The following MIB1 variants were observed in gnomAD, a reference collection of about 807,000 sequenced individuals.
MIB1 encodes the protein E3 ubiquitin-protein ligase MIB1.
A neutral mutation model predicts 124.5 loss-of-function variants in MIB1; 278 were observed. The observed-to-expected ratio is 2.23, with a 90% confidence interval of 2.02 to 2.47. The LOEUF is 2.47. MIB1 is among the 30% of genes most tolerant of loss of function. The pLI is 0.00. For synonymous variants in MIB1, 446 were observed against 429.4 expected (o/e 1.04, Z -0.48); for missense variants, 957 against 1,254.4 (o/e 0.76, Z 3.58).
chr18:21,765,685 T>C, intron 1 of MIB1, 87 bp from the exon 2 acceptor site: 1 of 1,281,614 alleles, frequency 7.8e-7, no homozygotes, highest in East Asian at 2.4e-5. Context: ...TTGTAAAATG[T>C]TCTGTTCTTA....
intron 17 of MIB1, among the ~76,000 whole-genome samples, chr18:21,850,998 C>G (rs766016974): frequency 2.6e-5 from 4 of 152,030 alleles, no homozygotes; most frequent in Admixed American, 2.0e-4. Context: ...TAATTACCTG[C>G]TAAAAATGTG....
Position 21,868,609 on chromosome 18 carries a change from C to CT in MIB1, c.*3944dup, listed in dbSNP as rs1322768820. On this transcript the variant is annotated 3_prime_UTR_variant, in exon 21 of 21. Coordinates refer to ENST00000261537, the MANE Select transcript of MIB1 (RefSeq NM_020774.4). Reference sequence around the variant, plus strand: ...ATGTGTGCCTTGTTGGAAGTGTCAACTGTCTTTATGTCTGCTTGTAAAAGT... The same window carrying CT: ...ATGTGTGCCTTGTTGGAAGTGTCAACTTGTCTTTATGTCTGCTTGTAAAAGT... 6.6e-6 allele frequency: 1 copy of CT among 152,368 alleles called. No homozygotes were observed. Among genetic ancestry groups the CT allele is most frequent in the African/African-American group, 2.4e-5 (1 of 41,420 alleles). The allele number at this position is 152,368 out of a possible 1,614,324, so 9.4% of individuals were successfully genotyped here.
At chr18:21,786,263 A>AT (rs1276006866) in intron 6 of MIB1, among the ~76,000 whole-genome samples, 1 of 151,812 alleles carries the variant, frequency 6.6e-6, no homozygotes, top group Non-Finnish European at 1.5e-5. Context: ...CACCTGGCTA[A>AT]TTTTTTTGTA....
rs1163703079 is a variant in MIB1 at position 21,774,921 on chromosome 18, T to TTTTTTTTA, written c.636+1196_636+1197insTTTTATTT. 1.9e-3 allele frequency among the ~76,000 whole-genome samples: 264 copies of TTTTTTTTA among 138,292 alleles called. 1 individual carries two copies. The highest frequency in any genetic ancestry group is 6.4e-3 in the African/African-American group (228 of 35,674). The allele number at this position is 138,292 out of a possible 152,430, so 90.7% of individuals were successfully genotyped here. A position where few individuals can be genotyped will look rare whatever the true frequency, so the allele number is the denominator to read the frequency against. ...CCAGTGTCCCCTTAATTTATTTCCA[T>TTTTTTTTA]TTTATTTATTTATTTATTTATTTAT... is the stretch of plus-strand genomic sequence containing the variant. On this transcript the variant is annotated intron_variant, in intron 4 of 20. Coordinates refer to ENST00000261537, the MANE Select transcript of MIB1 (RefSeq NM_020774.4).
At chr18:21,859,731 A>G (rs2042257754) in intron 20 of MIB1, among the ~76,000 whole-genome samples, 1 of 151,840 alleles carries the variant, frequency 6.6e-6, no homozygotes, top group South Asian at 2.1e-4. Context: ...TCTACTAAAA[A>G]TACAAAAATT....
At chr18:21,738,169 A>G (rs868333121), upstream of MIB1, among the ~76,000 whole-genome samples, 5 of 152,236 alleles carry the variant, frequency 3.3e-5, no homozygotes, top group African/African-American at 7.2e-5. Context: ...GTTATTCTGC[A>G]TAATTGGAAG....
intron 1 of MIB1, among the ~76,000 whole-genome samples, chr18:21,708,636 G>A (rs575791021): frequency 8.5e-5 from 13 of 152,204 alleles, no homozygotes; most frequent in East Asian, 1.9e-4. Flanking sequence ...CAGCCTGGGC[G>A]ACAGAGGGAA....
In MIB1 at chr18:21,867,115, A is replaced by G. The variant is rs1017359949; in HGVS notation, c.*2449A>G. The G allele has an allele frequency of 3.3e-5, 5 of 152,624 alleles. No individual in the cohort carries two copies. The South Asian group carries it at 1.0e-3, about 32-fold the overall frequency. The allele number at this position is 152,624 out of a possible 1,614,324, so 9.5% of individuals were successfully genotyped here. On this transcript the variant is annotated 3_prime_UTR_variant, in exon 21 of 21. Transcript: ENST00000261537. The stretch of plus-strand genomic sequence containing the variant: ...ACATTTATAAAAAAGAAAAAAACTG[A>G]CACGCATTCATTCAAAAAAGTATTT...
intron 4 of MIB1, among the ~76,000 whole-genome samples, chr18:21,774,615 A>G (rs570879288): frequency 3.3e-5 from 5 of 152,292 alleles, no homozygotes; most frequent in South Asian, 4.1e-4. Context: ...TGATCTTGCT[A>G]TTTAATGTAT....
chr18:21,835,202 T>C (rs1469314102), intron 12 of MIB1, among the ~76,000 whole-genome samples: 1 of 151,450 alleles, frequency 6.6e-6, no homozygotes, highest in East Asian at 1.9e-4. Flanking sequence ...ATTTTAGAAT[T>C]TTTTTTTTAT....
At chr18:21,785,913 C>T (rs1037434632) in intron 6 of MIB1, among the ~76,000 whole-genome samples, 1 of 152,010 alleles carries the variant, frequency 6.6e-6, no homozygotes, top group African/African-American at 2.4e-5. Context: ...TTTCTTTTAG[C>T]ATTTTGAATA....
At chr18:21,705,744 G>A (rs533810796) in intron 1 of MIB1, among the ~76,000 whole-genome samples, 1 of 152,332 alleles carries the variant, frequency 6.6e-6, no homozygotes, top group Admixed American at 6.5e-5. Flanking sequence ...ATTTGGCTCC[G>A]ATTTGGTCAT....
Position 21,741,425 on chromosome 18 carries a change from C to T in MIB1, c.-159C>T, listed in dbSNP as rs2040848640. 3.1e-6 allele frequency: 1 copy of T among 320,620 alleles called. No individual in the cohort carries two copies. Among genetic ancestry groups the T allele is most frequent in the African/African-American group, 2.2e-5 (1 of 45,396 alleles). 19.9% of individuals were successfully genotyped at this position (320,620 alleles called of 1,614,324 possible). ...CAGCGGCTTTGGGCTCCGCGGGGACCGCGCCGCCGCCCCCGTGAGTTATTC... is the reference window on the plus strand; with the variant it reads ...CAGCGGCTTTGGGCTCCGCGGGGACTGCGCCGCCGCCCCCGTGAGTTATTC... On this transcript the variant is annotated 5_prime_UTR_variant, in exon 1 of 21. Transcript: ENST00000261537. This position sits in a 1 kb window ranked among gnomAD's most constrained non-coding sequence, Gnocchi z 5.4.
At chr18:21,738,834 A>AAAAAAAAAAAAAAAAAAAAAAAC (rs2040808603), upstream of MIB1, among the ~76,000 whole-genome samples, 1 of 40,882 alleles carries the variant, frequency 2.4e-5, no homozygotes, top group Non-Finnish European at 4.2e-5. Flanking sequence ...AAAAAAAAAA[A>AAAAAAAAAAAAAAAAAAAAAAAC]AAAAAAAAAA....
At chr18:21,763,525 A>G (rs545148408) in intron 1 of MIB1, among the ~76,000 whole-genome samples, 1 of 152,122 alleles carries the variant, frequency 6.6e-6, no homozygotes, top group East Asian at 1.9e-4. Context: ...TTCTAAGGCG[A>G]GTTTCTATCA....
chr18:21,794,459 C>G (rs753191313), intron 7 of MIB1, among the ~76,000 whole-genome samples: 12 of 151,864 alleles, frequency 7.9e-5, no homozygotes, highest in Non-Finnish European at 1.5e-4. Flanking sequence ...CTCTCTCTCT[C>G]TCTCTCTCTC....
Position 21,803,886 on chromosome 18 carries a change from TC to T in MIB1, c.1372-20del. ...TCTGATTATTCATTCATTCTTTCATTCTTTTTTTTAAAAAATGTAGGTAAAT... is the reference window on the plus strand; with the variant it reads ...TCTGATTATTCATTCATTCTTTCATTTTTTTTTTAAAAAATGTAGGTAAAT... On this transcript the variant is annotated intron_variant, in intron 9 of 20. Coordinates refer to ENST00000261537, the MANE Select transcript of MIB1 (RefSeq NM_020774.4). 6.4e-7 allele frequency: 1 copy of T among 1,571,606 alleles called. No homozygotes were observed. The highest frequency in any genetic ancestry group is 8.7e-7 in the Non-Finnish European group (1 of 1,143,206).
At chr18:21,757,483 C>T (rs1005351523) in intron 1 of MIB1, among the ~76,000 whole-genome samples, 1 of 77,088 alleles carries the variant, frequency 1.3e-5, no homozygotes, top group Non-Finnish European at 2.6e-5. Context: ...AAAAAAAAGA[C>T]AGTCTTTTTT....
intron 6 of MIB1, among the ~76,000 whole-genome samples, chr18:21,786,502 G>C (rs1347918290): frequency 6.6e-6 from 1 of 151,936 alleles, no homozygotes; most frequent in Non-Finnish European, 1.5e-5. Flanking sequence ...TCTAGATTTG[G>C]AAAGTTTTCT....
Sources: gnomAD v4.1 joint callset for allele counts (sites outside exome capture counted in the v4.1 genomes callset) on GRCh38, gnomAD v4.1.1 for gene constraint, Gnocchi (gnomAD v3.1) non-coding constraint, MANE v1.5 for transcripts, NCBI Gene and HGNC (gene_info 2026-07-23, HGNC 2026-07-21) for gene names.